Variants in DOCK2 observed in about 807,000 individuals in gnomAD.
The protein encoded by DOCK2 is dedicator of cytokinesis 2, also known as dedicator of cytokinesis protein 2.
In DOCK2, 87 loss-of-function variants were observed where a neutral mutation model predicts 248.9. The observed-to-expected ratio is 0.35, with a 90% confidence interval of 0.29 to 0.42. The LOEUF is 0.42. DOCK2 is among the 10% of genes least tolerant of loss of function. The pLI is 1.00. For synonymous variants in DOCK2, 805 were observed against 821.6 expected (o/e 0.98, Z 0.35); for missense variants, 1,747 against 2,300.2 (o/e 0.76, Z 4.92).
chr5:170,072,277 G>A (rs138579534), intron 46 of DOCK2, among the ~76,000 whole-genome samples: 14 of 152,256 alleles, frequency 9.2e-5, no homozygotes, highest in Admixed American at 2.6e-4. Flanking sequence ...AGTACAGTAT[G>A]TACTACTGTA....
At chr5:169,693,404 C>G (rs1203922632) in intron 9 of DOCK2, among the ~76,000 whole-genome samples, 2 of 152,112 alleles carry the variant, frequency 1.3e-5, no homozygotes, top group Non-Finnish European at 2.9e-5. Flanking sequence ...TATATTATGT[C>G]TAGGTCCTTT....
chr5:169,997,040 T>G (rs1296227417), intron 30 of DOCK2, among the ~76,000 whole-genome samples: 2 of 151,862 alleles, frequency 1.3e-5, no homozygotes, highest in Admixed American at 1.3e-4. Flanking sequence ...TGAGTTCCCT[T>G]AGTATTTATT....
At chr5:169,801,146 G>GTTTTTTTTTTTT (rs60574755) in intron 25 of DOCK2, among the ~76,000 whole-genome samples, 4 of 76,050 alleles carry the variant, frequency 5.3e-5, no homozygotes, top group African/African-American at 7.4e-5. Flanking sequence ...ATAGTTTTGG[G>GTTTTTTTTTTTT]TTTTTTTTTT....
At chr5:169,887,330 A>G (rs1030287278) in intron 27 of DOCK2, among the ~76,000 whole-genome samples, 1 of 152,184 alleles carries the variant, frequency 6.6e-6, no homozygotes, top group Non-Finnish European at 1.5e-5. Flanking sequence ...TTATTTGTTC[A>G]TTGTAAAAAT....
rs536012300 is a variant in DOCK2 at position 169,973,664 on chromosome 5, C to G, written c.2800-9404C>G. On this transcript the variant is annotated intron_variant, in intron 27 of 51. Coordinates refer to ENST00000520908, the MANE Select transcript of DOCK2 (RefSeq NM_004946.3). The stretch of plus-strand genomic sequence containing the variant: ...ATCTATGAGAAACTAGATATATTTC[C>G]CAGTATGCGGTATTGGTACCTCATA... Among the ~76,000 whole-genome samples the G allele has an allele frequency of 2.0e-4, 30 of 152,292 alleles. No individual in the cohort carries two copies. The South Asian group carries it at 6.2e-3, about 32-fold the overall frequency.
At chr5:169,936,121 A>G (rs1057010838) in intron 27 of DOCK2, among the ~76,000 whole-genome samples, 4 of 152,218 alleles carry the variant, frequency 2.6e-5, no homozygotes, top group Non-Finnish European at 4.4e-5. Context: ...AATGTAACAA[A>G]ACCACCTGTC....
At chr5:169,660,333 C>T (rs921298101) in intron 2 of DOCK2, among the ~76,000 whole-genome samples, 12 of 152,064 alleles carry the variant, frequency 7.9e-5, no homozygotes, top group Non-Finnish European at 1.6e-4. Flanking sequence ...GATCTTCTCT[C>T]TAAAAATAAA....
At chr5:169,949,930 A>G (rs1185885177) in intron 27 of DOCK2, among the ~76,000 whole-genome samples, 2 of 152,078 alleles carry the variant, frequency 1.3e-5, no homozygotes, top group African/African-American at 4.8e-5. Context: ...ATTTTCTTTT[A>G]TAGTTAATAC....
chr5:169,742,242 C>T (rs138697644), intron 22 of DOCK2, among the ~76,000 whole-genome samples: 10 of 152,188 alleles, frequency 6.6e-5, no homozygotes, highest in African/African-American at 2.2e-4. Context: ...TGGGTGTATC[C>T]GGAAGAAAAA....
intron 1 of DOCK2, among the ~76,000 whole-genome samples, chr5:169,642,313 A>G (rs565102386): frequency 1.8e-4 from 28 of 152,370 alleles, no homozygotes; most frequent in African/African-American, 6.5e-4. Context: ...AATTAGGCCA[A>G]TATGGCCCCT....
At chr5:170,015,502 G>A (rs956773102) in intron 32 of DOCK2, among the ~76,000 whole-genome samples, 3 of 152,170 alleles carry the variant, frequency 2.0e-5, no homozygotes, top group African/African-American at 7.2e-5. Flanking sequence ...CCAAGCCTAA[G>A]ACAGAGGAGC....
chr5:169,678,725 A>G (rs1759481818), intron 6 of DOCK2, among the ~76,000 whole-genome samples: 1 of 152,148 alleles, frequency 6.6e-6, no homozygotes, highest in African/African-American at 2.4e-5. Context: ...TGACTGCTGT[A>G]TTCTACTGCC....
chr5:169,852,185 T>C (rs1342908516), intron 27 of DOCK2, among the ~76,000 whole-genome samples: 1 of 152,034 alleles, frequency 6.6e-6, no homozygotes, highest in Non-Finnish European at 1.5e-5. Flanking sequence ...CTAATGAAAT[T>C]ACCTCCAAAT....
chr5:169,933,749 A>G (rs1165279880), intron 27 of DOCK2, among the ~76,000 whole-genome samples: 1 of 152,138 alleles, frequency 6.6e-6, no homozygotes. Flanking sequence ...TCAGACTTCC[A>G]GGCAGCTGCC....
intron 32 of DOCK2, among the ~76,000 whole-genome samples, chr5:170,013,539 G>C (rs190074074): frequency 1.3e-5 from 2 of 152,136 alleles, no homozygotes; most frequent in East Asian, 3.9e-4. Flanking sequence ...TGGCTTTGAA[G>C]ATGGAGGAAG....
chr5:169,952,710 C>A (rs1460238347), intron 27 of DOCK2, among the ~76,000 whole-genome samples: 1 of 152,178 alleles, frequency 6.6e-6, no homozygotes, highest in Middle Eastern at 3.2e-3. Context: ...GCCAGCCTTG[C>A]CCCTGGAATG....
intron 40 of DOCK2, among the ~76,000 whole-genome samples, chr5:170,048,821 A>G (rs1049998919): frequency 2.2e-4 from 33 of 152,228 alleles, no homozygotes; most frequent in African/African-American, 7.7e-4. Flanking sequence ...TTAGGTCACC[A>G]GTAGGCTTCC....
Position 169,883,599 on chromosome 5 carries a change from G to A in DOCK2, c.2799+42747G>A, listed in dbSNP as rs768882464. The A allele has an allele frequency of 2.6e-6, 4 of 1,551,552 alleles. No homozygotes were observed. In the African/African-American group the frequency reaches 5.5e-5, roughly 21 times the overall value. On this transcript the variant is annotated intron_variant, in intron 27 of 51. Coordinates refer to ENST00000520908, the MANE Select transcript of DOCK2 (RefSeq NM_004946.3). Reference sequence around the variant, plus strand: ...CTGGGAAATGCTTCCTGAGACTGGGGGAAGTTTGGATTGCAATGTTGCGAA... The same window carrying A: ...CTGGGAAATGCTTCCTGAGACTGGGAGAAGTTTGGATTGCAATGTTGCGAA...
chr5:169,937,246 G>A lies in DOCK2; in HGVS notation c.2800-45822G>A, dbSNP rs199728174. Among the ~76,000 whole-genome samples the A allele has an allele frequency of 6.6e-5, 10 of 152,274 alleles. No individual in the cohort carries two copies. The East Asian group carries it at 1.9e-3, about 29-fold the overall frequency. On this transcript the variant is annotated intron_variant, in intron 27 of 51. Transcript: ENST00000520908. ...TGACAGAGACCTTATGGCTTGAAAA[G>A]CCTTCAACATTTATTATCTGGCCCT...
Sources: gnomAD v4.1 joint callset for allele counts (sites outside exome capture counted in the v4.1 genomes callset) on GRCh38, gnomAD v4.1.1 for gene constraint, MANE v1.5 for transcripts, NCBI Gene and HGNC (gene_info 2026-07-23, HGNC 2026-07-21) for gene names.